The following PTPRM variants were observed in gnomAD, a reference collection of about 807,000 sequenced individuals.
The protein encoded by PTPRM is protein tyrosine phosphatase receptor type M.
PTPRM carries 47 observed loss-of-function variants against 186.7 expected under a neutral mutation model. That is an observed-to-expected ratio of 0.25 (90% confidence interval 0.20 to 0.32). The LOEUF (loss-of-function observed/expected upper bound fraction) is 0.32. Among genes scored for constraint, PTPRM ranks in the 10% least tolerant of loss-of-function variants. PTPRM has a pLI of 1.00. For missense variants in PTPRM, 1,494 were observed against 1,865.0 expected, an observed-to-expected ratio of 0.80 and a Z score of 3.66; for synonymous variants, 668 against 674.9, an observed-to-expected ratio of 0.99 and a Z score of 0.16.
chr18:7,609,520 C>CT (rs11444902), intron 1 of PTPRM, among the ~76,000 whole-genome samples: 32,040 of 139,300 alleles, frequency 0.23, 5,504 homozygotes, highest in African/African-American at 0.46. Context: ...TGCCTGTCTC[C>CT]TTTTTTTTTT....
At chr18:7,906,610 C>G (rs776383130) in intron 4 of PTPRM, 27 bp downstream of exon 4, 3 of 1,519,966 alleles carry the variant, frequency 2.0e-6, no homozygotes, top group East Asian at 4.5e-5. Context: ...TGTAAATATT[C>G]GGGTACATCA....
At chr18:7,851,017 T>C (rs2046833013) in intron 2 of PTPRM, among the ~76,000 whole-genome samples, 1 of 152,202 alleles carries the variant, frequency 6.6e-6, no homozygotes, top group South Asian at 2.1e-4. Context: ...AATAATTTCA[T>C]AGAGAACTAA....
At chr18:7,682,516 G>A (rs1275960890) in intron 1 of PTPRM, among the ~76,000 whole-genome samples, 2 of 152,112 alleles carry the variant, frequency 1.3e-5, no homozygotes, top group Non-Finnish European at 2.9e-5. Flanking sequence ...CTTTCTCAGG[G>A]TATGGGACAA....
Position 7,633,433 on chromosome 18 carries a change from T to C in PTPRM, c.73+65542T>C, listed in dbSNP as rs149327801. ...AATATTTCACATCCTTTCTGGTTTC[T>C]TCAAGTCTCCAAATGCCTTCCCTTC... On this transcript the variant is annotated intron_variant, in intron 1 of 32. Coordinates refer to ENST00000580170, the MANE Select transcript of PTPRM (RefSeq NM_001105244.2). Among the ~76,000 whole-genome samples, 102 of 152,320 alleles carry C rather than the reference T, an allele frequency of 6.7e-4. 1 individual carries two copies. The East Asian group carries it at 0.016, about 24-fold the overall frequency.
chr18:7,721,789 C>CA (rs2040451570), intron 1 of PTPRM, among the ~76,000 whole-genome samples: 1 of 152,136 alleles, frequency 6.6e-6, no homozygotes, highest in African/African-American at 2.4e-5. Context: ...GCTCTCTATT[C>CA]TGTTTCATTA....
At chr18:8,030,521 A>G (rs2085894380) in intron 7 of PTPRM, among the ~76,000 whole-genome samples, 1 of 152,204 alleles carries the variant, frequency 6.6e-6, no homozygotes, top group Admixed American at 6.5e-5. Flanking sequence ...GCGTGTTCCG[A>G]TAGTAATAGC....
At chr18:7,820,543 G>A (rs1252609205) in intron 2 of PTPRM, among the ~76,000 whole-genome samples, 1 of 152,200 alleles carries the variant, frequency 6.6e-6, no homozygotes, top group Non-Finnish European at 1.5e-5. Context: ...GATTTTGACT[G>A]TAGAGGTAAT....
intron 14 of PTPRM, among the ~76,000 whole-genome samples, chr18:8,243,291 T>A (rs569820061): frequency 2.0e-5 from 3 of 152,126 alleles, no homozygotes; most frequent in African/African-American, 7.2e-5. Context: ...TCTCTTCCAC[T>A]GAAAGAGGGA....
intron 13 of PTPRM, among the ~76,000 whole-genome samples, chr18:8,132,350 C>T (rs1476797473): frequency 6.6e-6 from 1 of 152,140 alleles, no homozygotes; most frequent in African/African-American, 2.4e-5. Flanking sequence ...AAGACAGCAT[C>T]AAAGTGAGTT....
intron 14 of PTPRM, among the ~76,000 whole-genome samples, chr18:8,233,612 T>G (rs2094312756): frequency 6.6e-6 from 1 of 152,204 alleles, no homozygotes; most frequent in Non-Finnish European, 1.5e-5. Context: ...TATGGCTTCT[T>G]TCTTGACAGT....
chr18:8,305,900 A>AT (rs113326579), intron 20 of PTPRM, among the ~76,000 whole-genome samples: 379 of 144,110 alleles, frequency 2.6e-3, no homozygotes, highest in Admixed American at 2.3e-3. Flanking sequence ...AAAAGGGGTA[A>AT]TTTTTTTTTT....
At chr18:8,403,393 G>A (rs2095882644) in intron 32 of PTPRM, 1 of 152,138 alleles carries the variant, frequency 6.6e-6, no homozygotes, top group African/African-American at 2.4e-5. Flanking sequence ...GGGAGGAGAG[G>A]GAGGGTTGAA....
chr18:8,105,765 G>T (rs554998740), intron 11 of PTPRM, among the ~76,000 whole-genome samples: 2 of 152,162 alleles, frequency 1.3e-5, no homozygotes, highest in South Asian at 4.1e-4. Context: ...GTCAGGAATG[G>T]CTCTCAGAGC....
intron 4 of PTPRM, among the ~76,000 whole-genome samples, chr18:7,917,230 G>A (rs1255936705): frequency 6.6e-6 from 1 of 152,178 alleles, no homozygotes; most frequent in African/African-American, 2.4e-5. Context: ...CTTTTAAAAT[G>A]TGTGTTTTAA....
intron 1 of PTPRM, among the ~76,000 whole-genome samples, chr18:7,622,861 G>A (rs1363544132): frequency 6.6e-6 from 1 of 152,152 alleles, no homozygotes; most frequent in Non-Finnish European, 1.5e-5. Context: ...TGTGTCTGTT[G>A]AGGAGAGAGA....
At position 7,596,443 on chromosome 18, in the gene PTPRM, C is replaced by T. The variant is rs545545910; in HGVS notation, c.73+28552C>T. 1.2e-3 allele frequency among the ~76,000 whole-genome samples: 178 copies of T among 152,322 alleles called. 1 individual carries two copies. Among genetic ancestry groups the T allele is most frequent in the Non-Finnish European group, 7.5e-4 (51 of 68,028 alleles). On this transcript the variant is annotated intron_variant, in intron 1 of 32. Coordinates refer to ENST00000580170, the MANE Select transcript of PTPRM (RefSeq NM_001105244.2). ...ATCCCATGGGCATTTCATCATCTCA[C>T]ATCATCACAAGATGCAGGGTGAGTA...
chr18:8,262,629 C>T (rs1257631134), intron 19 of PTPRM, among the ~76,000 whole-genome samples: 1 of 152,184 alleles, frequency 6.6e-6, no homozygotes, highest in Non-Finnish European at 1.5e-5. Context: ...CAAGCTGTCC[C>T]TGATCCCAAC....
chr18:7,949,484 T>C, intron 6 of PTPRM, 129 bp downstream of exon 6: 1 of 742,184 alleles, frequency 1.3e-6, no homozygotes, highest in South Asian at 3.0e-5. Context: ...TGACAGGCTA[T>C]TTTGATGGAT....
chr18:8,327,721 G>A (rs938800515), intron 22 of PTPRM, among the ~76,000 whole-genome samples: 33 of 152,270 alleles, frequency 2.2e-4, no homozygotes, highest in African/African-American at 7.7e-4. Flanking sequence ...TTCAAGTTAA[G>A]GGCTGGTCAG....
Sources: gnomAD v4.1 joint callset for allele counts (sites outside exome capture counted in the v4.1 genomes callset) on GRCh38, gnomAD v4.1.1 for gene constraint, MANE v1.5 for transcripts, NCBI Gene and HGNC (gene_info 2026-07-23, HGNC 2026-07-21) for gene names.